Variants in ANK3 observed in about 807,000 individuals in gnomAD.
ANK3 encodes the protein ankyrin 3.
A neutral mutation model predicts 370.9 loss-of-function variants in ANK3; 57 were observed. That is an observed-to-expected ratio of 0.15 (90% CI 0.12 to 0.19). The LOEUF is 0.19. ANK3 is among the 10% of genes least tolerant of loss of function. The pLI, the probability that ANK3 is intolerant of heterozygous loss-of-function variation, is 1.00. For synonymous variants in ANK3, 1,929 were observed against 1,946.3 expected, an observed-to-expected ratio of 0.99 and a Z score of 0.23; for missense variants, 4,439 against 5,302.1, an observed-to-expected ratio of 0.84 and a Z score of 5.06.
At chr10:60,335,296 A>G (rs1183082309) in intron 1 of ANK3, among the ~76,000 whole-genome samples, 1 of 152,144 alleles carries the variant, frequency 6.6e-6, no homozygotes, top group African/African-American at 2.4e-5. Context: ...AGCAGCTAGA[A>G]AAAAAGTTTT....
intron 2 of ANK3, among the ~76,000 whole-genome samples, chr10:60,404,176 A>G (rs943227177): frequency 6.6e-6 from 1 of 151,764 alleles, no homozygotes; most frequent in African/African-American, 2.4e-5. Context: ...TCTCCTCAGA[A>G]CTGTAGATTC....
At chr10:60,398,209 C>A (rs1287080906) in intron 2 of ANK3, among the ~76,000 whole-genome samples, 1 of 152,126 alleles carries the variant, frequency 6.6e-6, no homozygotes, top group Non-Finnish European at 1.5e-5. Flanking sequence ...CAGGTGTCAC[C>A]AAATATACTC....
intron 2 of ANK3, among the ~76,000 whole-genome samples, chr10:60,583,702 C>G (rs2077790928): frequency 6.6e-6 from 1 of 151,846 alleles, no homozygotes; most frequent in Non-Finnish European, 1.5e-5. Context: ...CCTGCCTCAG[C>G]CTCCTGAGTA....
intron 2 of ANK3, among the ~76,000 whole-genome samples, chr10:60,448,773 ACTAATTCCTTTGAG>A (rs2064519556): frequency 6.6e-6 from 1 of 152,244 alleles, no homozygotes; most frequent in Admixed American, 6.5e-5. Flanking sequence ...GGAATTGATT[ACTAATTCCTTTGAG>A]ATATCTTCTT....
intron 1 of ANK3, among the ~76,000 whole-genome samples, chr10:60,326,779 C>T (rs1195654529): frequency 6.6e-6 from 1 of 152,038 alleles, no homozygotes; most frequent in Non-Finnish European, 1.5e-5. Context: ...CCCAGCACTT[C>T]AGGAGGCCGA....
At chr10:60,263,805 C>A in intron 6 of ANK3, 30 bp downstream of exon 6, 1 of 1,611,914 alleles carries the variant, frequency 6.2e-7, no homozygotes, top group Non-Finnish European at 8.5e-7. Context: ...CGGAGAGTTG[C>A]ATGACAGGCC....
intron 2 of ANK3, among the ~76,000 whole-genome samples, chr10:60,502,175 G>A (rs2075818167): frequency 6.6e-6 from 1 of 152,142 alleles, no homozygotes; most frequent in African/African-American, 2.4e-5. Flanking sequence ...TGAATTGATG[G>A]TAGCCTAGGT....
At chr10:60,710,116 T>G (rs577307827) in intron 1 of ANK3, among the ~76,000 whole-genome samples, 1 of 152,198 alleles carries the variant, frequency 6.6e-6, no homozygotes, top group Non-Finnish European at 1.5e-5. Flanking sequence ...GTTTATGGTA[T>G]TGCACTAACC....
chr10:60,663,926 G>GA (rs1157924473), intron 1 of ANK3, among the ~76,000 whole-genome samples: 1 of 152,214 alleles, frequency 6.6e-6, no homozygotes, highest in Non-Finnish European at 1.5e-5. Flanking sequence ...AATGAAATGA[G>GA]ACAGATGAAA....
At chr10:60,273,613 AT>A (rs997297641) in intron 4 of ANK3, among the ~76,000 whole-genome samples, 1 of 152,080 alleles carries the variant, frequency 6.6e-6, no homozygotes, top group African/African-American at 2.4e-5. Context: ...GTCTGATACT[AT>A]TTCTTTAATT....
rs2064352682 is a variant in ANK3 at position 60,443,439 on chromosome 10, A to C, written c.97-163800T>G. Among the ~76,000 whole-genome samples, 5 of 151,986 alleles carry C rather than the reference A, an allele frequency of 3.3e-5. No homozygotes were observed. The South Asian group carries it at 1.0e-3, about 32-fold the overall frequency. On this transcript the variant is annotated intron_variant, in intron 2 of 43. Transcript: ENST00000373827. The stretch of plus-strand genomic sequence containing the variant: ...ATCATATTCCTTCTGGGAGCCTGAG[A>C]ATAGTGAAAGTGAAAAAAGATTTTG...
chr10:60,232,836 A>T (rs2097266917), intron 8 of ANK3, among the ~76,000 whole-genome samples: 1 of 152,166 alleles, frequency 6.6e-6, no homozygotes, highest in South Asian at 2.1e-4. Flanking sequence ...TAGACACTCG[A>T]CGATCATCTA....
intron 1 of ANK3, among the ~76,000 whole-genome samples, chr10:60,356,092 T>C (rs930423526): frequency 6.6e-6 from 1 of 152,170 alleles, no homozygotes; most frequent in Non-Finnish European, 1.5e-5. Context: ...CCCAGGGAAG[T>C]AGCAGTAAGT....
chr10:60,190,534 T>C (rs1225819586), intron 16 of ANK3, among the ~76,000 whole-genome samples: 1 of 152,196 alleles, frequency 6.6e-6, no homozygotes, highest in Non-Finnish European at 1.5e-5. Context: ...TTTTTGCACA[T>C]AGAAGTGGCC....
At chr10:60,447,562 A>G (rs554886418) in intron 2 of ANK3, among the ~76,000 whole-genome samples, 12 of 152,156 alleles carry the variant, frequency 7.9e-5, no homozygotes, top group Middle Eastern at 3.2e-3. Flanking sequence ...GGGGGGGAAA[A>G]AAAGCAAACA....
At chr10:60,443,844 A>T (rs1457071712) in intron 2 of ANK3, among the ~76,000 whole-genome samples, 1 of 152,056 alleles carries the variant, frequency 6.6e-6, no homozygotes, top group Non-Finnish European at 1.5e-5. Flanking sequence ...TTTAGCAAAC[A>T]TTTCCTGATC....
At chr10:60,544,729 G>A (rs1158548157) in intron 2 of ANK3, among the ~76,000 whole-genome samples, 4 of 152,078 alleles carry the variant, frequency 2.6e-5, no homozygotes, top group Admixed American at 6.6e-5. Flanking sequence ...TTATAAGGCT[G>A]TCTTGATCAT....
intron 1 of ANK3, among the ~76,000 whole-genome samples, chr10:60,670,772 A>G (rs2079055460): frequency 1.3e-5 from 2 of 152,218 alleles, no homozygotes; most frequent in African/African-American, 4.8e-5. Flanking sequence ...TCTCCCTTGA[A>G]ATTGAAGAAG....
intron 1 of ANK3, among the ~76,000 whole-genome samples, chr10:60,627,332 A>G (rs1314019017): frequency 6.6e-6 from 1 of 152,094 alleles, no homozygotes; most frequent in Admixed American, 6.6e-5. Flanking sequence ...TCAAGGGGAA[A>G]CAAAGACAGT....
Sources: allele counts gnomAD v4.1 joint callset (sites outside exome capture counted in the v4.1 genomes callset), GRCh38; gene constraint gnomAD v4.1.1; transcripts MANE v1.5; gene names NCBI Gene and HGNC (gene_info 2026-07-23, HGNC 2026-07-21).